The following AFG2A variants were observed in gnomAD, a reference collection of about 807,000 sequenced individuals.
AFG2A encodes AAA ATPase AFG2A, also known as ATPase family gene 2 protein homolog A.
At chr4:123,276,518 G>T in the AFG2A span, among the ~76,000 whole-genome samples, 1 of 151,872 alleles carries the variant, frequency 6.6e-6, no homozygotes, top group Non-Finnish European at 1.5e-5. Flanking sequence ...TGTTTTCATT[G>T]CAGTTGCCTT....
At chr4:123,226,196 C>G in the AFG2A span, among the ~76,000 whole-genome samples, 1 of 152,070 alleles carries the variant, frequency 6.6e-6, no homozygotes, top group Non-Finnish European at 1.5e-5. Flanking sequence ...AATTGAATAC[C>G]CTTTATTTCC....
the AFG2A span, among the ~76,000 whole-genome samples, chr4:123,009,122 A>T: frequency 6.6e-6 from 1 of 152,202 alleles, no homozygotes; most frequent in Non-Finnish European, 1.5e-5. Flanking sequence ...GTGCATGGGT[A>T]ACGTCCAGAA....
the AFG2A span, chr4:123,314,595 T>A: frequency 6.6e-6 from 1 of 152,236 alleles, no homozygotes; most frequent in East Asian, 1.9e-4. Context: ...GTGTTATCAT[T>A]AAAATTCATA....
chr4:123,181,084 A>G, the AFG2A span, among the ~76,000 whole-genome samples: 75,288 of 150,130 alleles, frequency 0.5, 23,230 homozygotes, highest in Non-Finnish European at 0.67. Flanking sequence ...TCCCAGGTTC[A>G]CGCCATTCTT....
At chr4:123,242,072 G>A in the AFG2A span, among the ~76,000 whole-genome samples, 1 of 152,112 alleles carries the variant, frequency 6.6e-6, no homozygotes, top group Admixed American at 6.5e-5. Context: ...ACTTACAAGG[G>A]ATGGGAAGGA....
chr4:123,011,050 T>A, the AFG2A span, among the ~76,000 whole-genome samples: 1 of 152,252 alleles, frequency 6.6e-6, no homozygotes, highest in Non-Finnish European at 1.5e-5. Context: ...TTTGTCCTCC[T>A]ACCTTTTGCC....
At chr4:123,111,030 C>T in the AFG2A span, among the ~76,000 whole-genome samples, 1 of 152,142 alleles carries the variant, frequency 6.6e-6, no homozygotes, top group Admixed American at 6.5e-5. Context: ...ATTTTCATAA[C>T]ATAGTATGCT....
chr4:123,260,213 G>T, the AFG2A span: 1 of 152,190 alleles, frequency 6.6e-6, no homozygotes, highest in African/African-American at 2.4e-5. Context: ...TCTTATGAAT[G>T]TAGCTCTAGA....
At chr4:123,056,554 G>A in the AFG2A span, 2 of 720,008 alleles carry the variant, frequency 2.8e-6, no homozygotes, top group Admixed American at 7.6e-5. Flanking sequence ...TCAGATCTTA[G>A]TGGTATTTTT....
chr4:122,975,763 AAGAT>A, the AFG2A span, among the ~76,000 whole-genome samples: 5 of 152,030 alleles, frequency 3.3e-5, no homozygotes, highest in Non-Finnish European at 5.9e-5. Flanking sequence ...CATCCTTTAA[AAGAT>A]AGTCTTGAAC....
chr4:122,994,740 A>G, the AFG2A span, among the ~76,000 whole-genome samples: 1 of 151,242 alleles, frequency 6.6e-6, no homozygotes, highest in Non-Finnish European at 1.5e-5. Flanking sequence ...CCAGAGCCTC[A>G]GGACTAATTG....
the AFG2A span, among the ~76,000 whole-genome samples, chr4:123,017,279 C>G: frequency 6.9e-6 from 1 of 145,234 alleles, no homozygotes; most frequent in East Asian, 2.1e-4. Context: ...AGAGCGAGAG[C>G]TGACATTTTT....
the AFG2A span, among the ~76,000 whole-genome samples, chr4:123,221,928 C>CAA: frequency 7.0e-6 from 1 of 143,324 alleles, no homozygotes; most frequent in African/African-American, 2.5e-5. Flanking sequence ...AACTCCATCT[C>CAA]AAAAAAAAAA....
chr4:123,060,908 C>T, the AFG2A span, among the ~76,000 whole-genome samples: 1 of 152,178 alleles, frequency 6.6e-6, no homozygotes, highest in Non-Finnish European at 1.5e-5. Context: ...AAATTTCTTC[C>T]ACCAGATATC....
the AFG2A span, among the ~76,000 whole-genome samples, chr4:122,972,553 T>A: frequency 4.0e-5 from 6 of 151,372 alleles, no homozygotes; most frequent in Non-Finnish European, 7.4e-5. Flanking sequence ...TTTTTTTTTT[T>A]ATCTACATTA....
At chr4:123,008,888 A>T in the AFG2A span, among the ~76,000 whole-genome samples, 1 of 152,146 alleles carries the variant, frequency 6.6e-6, no homozygotes. Flanking sequence ...CCTGGGTTGA[A>T]TGTAGATGGA....
chr4:123,139,974 C>T, the AFG2A span, among the ~76,000 whole-genome samples: 1 of 151,924 alleles, frequency 6.6e-6, no homozygotes, highest in Non-Finnish European at 1.5e-5. Context: ...ATTCAAGCAG[C>T]CCTCAGGAGT....
chr4:123,114,880 C>G, the AFG2A span, among the ~76,000 whole-genome samples: 1 of 152,232 alleles, frequency 6.6e-6, no homozygotes, highest in Non-Finnish European at 1.5e-5. Context: ...AGGGCTAGTC[C>G]TGTGAGTCCC....
chr4:123,057,115 T>C, the AFG2A span: 1 of 1,280,684 alleles, frequency 7.8e-7, no homozygotes, highest in Admixed American at 1.7e-5. Context: ...TTGTACCTAA[T>C]AGGTTTGGTT....
Sources: allele counts gnomAD v4.1 joint callset (sites outside exome capture counted in the v4.1 genomes callset), GRCh38; gene constraint gnomAD v4.1.1; transcripts MANE v1.5; gene names NCBI Gene and HGNC (gene_info 2026-07-23, HGNC 2026-07-21).